Variants in ALG14 observed in about 807,000 individuals in gnomAD.
ALG14 encodes the protein ALG14 UDP-N-acetylglucosaminyltransferase subunit.
In ALG14, 17 loss-of-function variants were observed where a neutral mutation model predicts 22.8. That is an observed-to-expected ratio of 0.75 (90% CI 0.51 to 1.12). The LOEUF is 1.12. Among genes scored for constraint, ALG14 ranks in the 50% most tolerant of loss-of-function variants. The probability of loss-of-function intolerance (pLI) is 0.00; values close to 1 mark genes in which losing one functional copy is unlikely to be tolerated. For synonymous variants in ALG14, 89 were observed against 103.7 expected (o/e 0.86, Z 0.86); for missense variants, 288 against 271.8 (o/e 1.06, Z -0.42).
chr1:94,975,923 A>T lies in ALG14; in HGVS notation c.*7153T>A, dbSNP rs1198309998. ...TCCCAGCTACTCGGGAGGCTGAGGC[A>T]GGACAATGGCGTGAACCCAGGAGGC... On this transcript the variant is annotated 3_prime_UTR_variant, in exon 4 of 4. Transcript: ENST00000370205. 6.7e-6 allele frequency: 1 copy of T among 149,410 alleles called. No individual in the cohort carries two copies. The highest frequency in any genetic ancestry group is 1.5e-5 in the Non-Finnish European group (1 of 67,572). 9.3% of individuals were successfully genotyped at this position (149,410 alleles called of 1,614,324 possible).
chr1:94,981,678 G>GTT lies in ALG14; in HGVS notation c.*1396_*1397dup, dbSNP rs1174199181. 2 of 133,574 alleles carry GTT rather than the reference G, an allele frequency of 1.5e-5. No homozygotes were observed. Among genetic ancestry groups the GTT allele is most frequent in the Non-Finnish European group, 3.3e-5 (2 of 61,002 alleles). 8.3% of individuals were successfully genotyped at this position (133,574 alleles called of 1,614,324 possible). A position where few individuals can be genotyped will look rare whatever the true frequency, so the allele number is the denominator to read the frequency against. ...TCTTCTCTTTTCTGTTTTTTATTTT[G>GTT]TTTTGTTTTTTTTTTTTTTGGCTGC... On this transcript the variant is annotated 3_prime_UTR_variant, in exon 4 of 4. Coordinates refer to ENST00000370205, the MANE Select transcript of ALG14 (RefSeq NM_144988.4).
chr1:95,045,844 A>G (rs1196835040), intron 2 of ALG14, among the ~76,000 whole-genome samples: 2 of 149,104 alleles, frequency 1.3e-5, no homozygotes, highest in African/African-American at 4.9e-5. Flanking sequence ...ATAGAATGGC[A>G]TACTAATAGA....
intron 2 of ALG14, among the ~76,000 whole-genome samples, chr1:95,057,116 G>A (rs1674962087): frequency 6.7e-6 from 1 of 149,192 alleles, no homozygotes; most frequent in Non-Finnish European, 1.5e-5. Context: ...AGGATAAGCA[G>A]GAAGAAAATG....
Position 94,974,945 on chromosome 1 carries a change from T to C in ALG14, c.*8131A>G, listed in dbSNP as rs373957902. 6.6e-6 allele frequency: 1 copy of C among 152,236 alleles called. No individual in the cohort carries two copies. The highest frequency in any genetic ancestry group is 2.4e-5 in the African/African-American group (1 of 41,456). The allele number at this position is 152,236 out of a possible 1,614,324, so 9.4% of individuals were successfully genotyped here. On this transcript the variant is annotated 3_prime_UTR_variant, in exon 4 of 4. Coordinates refer to ENST00000370205, the MANE Select transcript of ALG14 (RefSeq NM_144988.4). ...TAATCTGGAGACTTCTCCTCTTGCA[T>C]GTCTAGTGCCTCCAGTGAGATGACT...
chr1:95,069,181 TC>T (rs1265349898), intron 1 of ALG14, among the ~76,000 whole-genome samples: 12 of 152,174 alleles, frequency 7.9e-5, no homozygotes, highest in Admixed American at 7.9e-4. Flanking sequence ...TGGGTGACTC[TC>T]CACTGAAAAA....
At chr1:95,062,382 A>G (rs1675193741) in intron 2 of ALG14, among the ~76,000 whole-genome samples, 1 of 152,084 alleles carries the variant, frequency 6.6e-6, no homozygotes, top group Non-Finnish European at 1.5e-5. Context: ...TTGCTGCACA[A>G]ATTAATCCAT....
chr1:95,038,586 C>T (rs968057232), intron 2 of ALG14, among the ~76,000 whole-genome samples: 12 of 145,176 alleles, frequency 8.3e-5, no homozygotes, highest in Admixed American at 4.3e-4. Context: ...GAGGCTGAGG[C>T]AAAATAATTG....
At chr1:95,072,693 G>A (rs570839747) in intron 1 of ALG14, 70 bp downstream of exon 1, 2 of 1,581,034 alleles carry the variant, frequency 1.3e-6, no homozygotes, top group South Asian at 1.1e-5. Context: ...TACCAGGGAA[G>A]AGCGTCGCGG....
chr1:94,992,554 AG>A (rs1672802058), intron 3 of ALG14, among the ~76,000 whole-genome samples: 1 of 152,068 alleles, frequency 6.6e-6, no homozygotes, highest in African/African-American at 2.4e-5. Context: ...ATGGAAGAGG[AG>A]GGTTGAAGAG....
intron 3 of ALG14, among the ~76,000 whole-genome samples, chr1:95,017,887 A>ATTCT (rs1168311722): frequency 6.6e-6 from 1 of 152,214 alleles, no homozygotes; most frequent in Non-Finnish European, 1.5e-5. Flanking sequence ...GGTGAGCAGA[A>ATTCT]GTAAGTGGTT....
At chr1:94,998,383 C>G (rs1164453228) in intron 3 of ALG14, among the ~76,000 whole-genome samples, 1 of 152,120 alleles carries the variant, frequency 6.6e-6, no homozygotes, top group Non-Finnish European at 1.5e-5. Context: ...GGTCTGAAAA[C>G]AAAACCAGGC....
In ALG14 at chr1:95,064,929, T is replaced by A. The variant is rs763050888; in HGVS notation, c.225A>T (p.Glu75Asp). 1 of 1,613,922 alleles carries A rather than the reference T, an allele frequency of 6.2e-7. No homozygotes were observed. Among genetic ancestry groups the A allele is most frequent in the East Asian group, 2.2e-5 (1 of 44,884 alleles). ...PRHYVIADTD[E>D]MSANKINSFE... ...AAGAATTTATTTTATTGGCACTCAT[T>A]TCATCAGTGTCAGCAATGACATAAT... Residue 75 changes from glutamate (E) to aspartate (D), a missense_variant, in exon 2 of 4, where the codon GAA becomes GAT. Transcript: ENST00000370205.
chr1:95,044,748 C>T (rs147776157), intron 2 of ALG14, among the ~76,000 whole-genome samples: 3 of 152,136 alleles, frequency 2.0e-5, no homozygotes, highest in Admixed American at 2.0e-4. Flanking sequence ...TCATCCAGGT[C>T]AAGTGGAGTG....
At chr1:95,010,342 T>G (rs1002401897) in intron 3 of ALG14, among the ~76,000 whole-genome samples, 2 of 152,234 alleles carry the variant, frequency 1.3e-5, no homozygotes, top group Non-Finnish European at 2.9e-5. Flanking sequence ...GTACATCCAA[T>G]GGACATCCCT....
At chr1:95,069,714 T>A (rs1191453072) in intron 1 of ALG14, among the ~76,000 whole-genome samples, 3 of 152,186 alleles carry the variant, frequency 2.0e-5, no homozygotes, top group Non-Finnish European at 4.4e-5. Flanking sequence ...AGCAAAAATT[T>A]TTCTCTGGCC....
At chr1:95,064,804 T>A in intron 2 of ALG14, 62 bp downstream of exon 2, 1 of 1,520,244 alleles carries the variant, frequency 6.6e-7, no homozygotes, top group Non-Finnish European at 9.0e-7. Context: ...AGATTATTAC[T>A]AGAGACAATT....
At chr1:95,034,909 T>A (rs975385594) in intron 2 of ALG14, among the ~76,000 whole-genome samples, 1 of 152,188 alleles carries the variant, frequency 6.6e-6, no homozygotes, top group African/African-American at 2.4e-5. Context: ...TCCTCCTCTC[T>A]CTTTGCCCTC....
At chr1:95,068,020 C>T (rs1027363824) in intron 1 of ALG14, among the ~76,000 whole-genome samples, 1 of 152,130 alleles carries the variant, frequency 6.6e-6, no homozygotes, top group Non-Finnish European at 1.5e-5. Flanking sequence ...TTCCCCAAAT[C>T]GTAGTGTTTA....
chr1:95,065,110 G>C (rs1264684737), intron 1 of ALG14, 93 bp from the exon 2 acceptor site: 1 of 1,121,606 alleles, frequency 8.9e-7, no homozygotes, highest in Non-Finnish European at 1.2e-6. Flanking sequence ...TTCAGGTTGG[G>C]GGTGGGGGGG....
Sources: allele counts gnomAD v4.1 joint callset (sites outside exome capture counted in the v4.1 genomes callset), GRCh38; gene constraint gnomAD v4.1.1; transcripts MANE v1.5; gene names NCBI Gene and HGNC (gene_info 2026-07-23, HGNC 2026-07-21).